The following IKZF2 variants were observed in gnomAD, a reference collection of about 807,000 sequenced individuals.
IKZF2 encodes the protein zinc finger protein Helios.
A neutral mutation model predicts 49.2 loss-of-function variants in IKZF2; 15 were observed. That is an observed-to-expected ratio of 0.30 (90% CI 0.20 to 0.47). The LOEUF is 0.47. Ranked by LOEUF, IKZF2 falls within the 20% of genes least tolerant of loss-of-function variation. IKZF2 has a pLI of 1.00. For missense variants in IKZF2, 567 were observed against 664.6 expected (o/e 0.85, Z 1.61); for synonymous variants, 227 against 221.4 (o/e 1.03, Z -0.23).
chr2:213,014,833 G>A (rs1216071030), intron 7 of IKZF2: 1 of 152,010 alleles, frequency 6.6e-6, no homozygotes, highest in African/African-American at 2.4e-5. Context: ...ATTAAAAACA[G>A]TGTTCTCAGG....
intron 4 of IKZF2, among the ~76,000 whole-genome samples, chr2:213,142,605 A>G (rs1354036505): frequency 2.0e-5 from 3 of 151,928 alleles, no homozygotes; most frequent in Non-Finnish European, 4.4e-5. Context: ...GCTTATCCCT[A>G]TTCTACGGAT....
At chr2:213,102,481 T>G (rs1225665623) in intron 4 of IKZF2, among the ~76,000 whole-genome samples, 28 of 151,866 alleles carry the variant, frequency 1.8e-4, no homozygotes, top group Non-Finnish European at 4.4e-5. Context: ...CCAAGACAAG[T>G]TGGGAGGTTG....
At position 213,117,027 on chromosome 2, in the gene IKZF2, T is replaced by C. The variant is rs558456343; in HGVS notation, c.139+30681A>G. ...AATTTGTACTCAACAGCACTTAGGG[T>C]AAAATTCCGTAGGTAAAAAGCCCAG... is the stretch of plus-strand genomic sequence containing the variant. On this transcript the variant is annotated intron_variant, in intron 4 of 8. Transcript: ENST00000434687. Among the ~76,000 whole-genome samples, 17 of 152,276 alleles carry C rather than the reference T, an allele frequency of 1.1e-4. No individual in the cohort carries two copies. In the East Asian group the frequency reaches 3.3e-3, roughly 29 times the overall value.
chr2:213,114,621 A>G (rs945704825), intron 4 of IKZF2, among the ~76,000 whole-genome samples: 1 of 152,158 alleles, frequency 6.6e-6, no homozygotes, highest in African/African-American at 2.4e-5. Context: ...ATTTTGATCA[A>G]TGCAAAAACC....
Position 213,000,822 on chromosome 2 carries a change from G to C in IKZF2, c.*6538C>G, listed in dbSNP as rs1694841481. ...ATTAGGTTCTTAATTTAGAGCATTG[G>C]GCGAGGGTCTAAGAAGATTCAATCT... On this transcript the variant is annotated 3_prime_UTR_variant, in exon 9 of 9. Transcript: ENST00000434687. 1 of 151,420 alleles carries C rather than the reference G, an allele frequency of 6.6e-6. No individual in the cohort carries two copies. The highest frequency in any genetic ancestry group is 6.6e-5 in the Admixed American group (1 of 15,132). The allele number at this position is 151,420 out of a possible 1,614,324, so 9.4% of individuals were successfully genotyped here. A position where few individuals can be genotyped will look rare whatever the true frequency, so the allele number is the denominator to read the frequency against.
In IKZF2 at chr2:213,150,228, G is replaced by A. The variant is rs1559338156; in HGVS notation, c.-100C>T. The A allele has an allele frequency of 2.4e-6, 3 of 1,269,278 alleles. No individual in the cohort carries two copies. The highest frequency in any genetic ancestry group is 2.3e-5 in the Admixed American group (1 of 43,338). 78.6% of individuals were successfully genotyped at this position (1,269,278 alleles called of 1,614,324 possible). On this transcript the variant is annotated 5_prime_UTR_variant, in exon 2 of 9. Transcript: ENST00000434687. ...TCTCAGCTTCTTCTAACCCCTCAAA[G>A]AGGAGGTGACAATGTCGGGCTGAAG...
rs569471084 is a variant in IKZF2 at position 213,124,274 on chromosome 2, A to G, written c.139+23434T>C. ...CGCGCACACACACACACACACACAC[A>G]CACACACACACACACACACACACAG... On this transcript the variant is annotated intron_variant, in intron 4 of 8. Transcript: ENST00000434687. Among the ~76,000 whole-genome samples the G allele has an allele frequency of 1.8e-3, 262 of 144,726 alleles. 2 individuals are homozygous for G. The highest frequency in any genetic ancestry group is 0.017 in the South Asian group (81 of 4,676). The allele number at this position is 144,726 out of a possible 152,430, so 94.9% of individuals were successfully genotyped here.
At chr2:213,046,399 G>T (rs1200510720) in intron 6 of IKZF2, among the ~76,000 whole-genome samples, 1 of 152,152 alleles carries the variant, frequency 6.6e-6, no homozygotes, top group Non-Finnish European at 1.5e-5. Context: ...ATGGCCTCAT[G>T]GGGTATTCTC....
rs184004134 is a variant in IKZF2, at chr2:213,018,580, G to T, written c.712+3413C>A. Among the ~76,000 whole-genome samples, 5 of 152,124 alleles carry T rather than the reference G, an allele frequency of 3.3e-5. No homozygotes were observed. In the East Asian group the frequency reaches 5.8e-4, roughly 18 times the overall value. ...TATCCTCATTGGAGACATTTTTCTT[G>T]ATTTGATTACCTCATTAATAACAAA... On this transcript the variant is annotated intron_variant, in intron 7 of 8. Coordinates refer to ENST00000434687, the MANE Select transcript of IKZF2 (RefSeq NM_001387220.1).
At chr2:213,031,001 T>G (rs1248030961) in intron 6 of IKZF2, among the ~76,000 whole-genome samples, 15 of 152,058 alleles carry the variant, frequency 9.9e-5, no homozygotes, top group Non-Finnish European at 2.9e-5. Flanking sequence ...AATTTTTGTA[T>G]TTTTAGTAGA....
intron 6 of IKZF2, among the ~76,000 whole-genome samples, chr2:213,047,929 GGGGAAGA>G (rs1700312367): frequency 6.6e-6 from 1 of 151,948 alleles, no homozygotes; most frequent in African/African-American, 2.4e-5. Context: ...GTAAGAGTAA[GGGGAAGA>G]TGTATTTGAT....
At chr2:213,011,105 A>C (rs1171306897) in intron 8 of IKZF2, among the ~76,000 whole-genome samples, 1 of 152,086 alleles carries the variant, frequency 6.6e-6, no homozygotes, top group East Asian at 1.9e-4. Context: ...TTGGCACTAC[A>C]GAAGCTAGTT....
chr2:213,137,088 A>T (rs1447630295), intron 4 of IKZF2, among the ~76,000 whole-genome samples: 2 of 152,108 alleles, frequency 1.3e-5, no homozygotes, highest in Non-Finnish European at 2.9e-5. Context: ...TTTATTTTAA[A>T]TTGTGTTTTG....
chr2:213,040,274 G>C (rs1208839661), intron 6 of IKZF2, among the ~76,000 whole-genome samples: 1 of 138,212 alleles, frequency 7.2e-6, no homozygotes, highest in African/African-American at 2.7e-5. Flanking sequence ...AAATTATTTT[G>C]TCATCCAGGT....
chr2:213,120,630 T>C (rs2060023184), intron 4 of IKZF2, among the ~76,000 whole-genome samples: 1 of 152,174 alleles, frequency 6.6e-6, no homozygotes, highest in Non-Finnish European at 1.5e-5. Context: ...CAAACAAATT[T>C]TTGTAATAGA....
intron 4 of IKZF2, among the ~76,000 whole-genome samples, chr2:213,112,467 TC>T (rs201839132): frequency 0.021 from 3,053 of 146,352 alleles, 59 homozygotes; most frequent in African/African-American, 0.057. Context: ...TTTCCTTCTT[TC>T]TTTTTTTTTT....
intron 6 of IKZF2, among the ~76,000 whole-genome samples, chr2:213,041,387 C>A (rs1699635488): frequency 1.3e-5 from 2 of 151,842 alleles, no homozygotes; most frequent in African/African-American, 4.8e-5. Context: ...AGGCTGGTGT[C>A]CGCCTCCCGG....
At chr2:213,066,125 T>C (rs1046548973) in intron 4 of IKZF2, among the ~76,000 whole-genome samples, 4 of 152,088 alleles carry the variant, frequency 2.6e-5, no homozygotes, top group African/African-American at 9.7e-5. Context: ...ATTATCTTTT[T>C]AATAAGAGCA....
intron 5 of IKZF2, 26 bp from the exon 6 acceptor site, chr2:213,049,906 G>C: frequency 6.6e-7 from 1 of 1,503,950 alleles, no homozygotes; most frequent in Non-Finnish European, 9.0e-7. Context: ...GAAATGGGAA[G>C]TATCAACTAG....
Sources: gnomAD v4.1 joint callset for allele counts (sites outside exome capture counted in the v4.1 genomes callset) on GRCh38, gnomAD v4.1.1 for gene constraint, MANE v1.5 for transcripts, NCBI Gene and HGNC (gene_info 2026-07-23, HGNC 2026-07-21) for gene names.